STXBP4: variants seen among roughly 807,000 people sequenced by gnomAD.
STXBP4 encodes syntaxin-binding protein 4.
In STXBP4, 55 loss-of-function variants were observed where a neutral mutation model predicts 76.1. The observed-to-expected ratio is 0.72, with a 90% confidence interval of 0.58 to 0.91. The LOEUF (loss-of-function observed/expected upper bound fraction) is 0.91. Ranked by LOEUF, STXBP4 falls within the 40% of genes least tolerant of loss-of-function variation. The pLI, the probability that STXBP4 is intolerant of heterozygous loss-of-function variation, is 0.00. For synonymous variants in STXBP4, 201 were observed against 220.2 expected (o/e 0.91, Z 0.77); for missense variants, 618 against 636.9 (o/e 0.97, Z 0.32).
At chr17:55,185,266 TCTCCTTCTCCTTCTCCTTCTCCTTCTC>T in the STXBP4 span, among the ~76,000 whole-genome samples, 2 of 53,066 alleles carry the variant, frequency 3.8e-5, no homozygotes, top group African/African-American at 1.9e-4. Context: ...TCCTTCTCCT[TCTCCTTCTCCTTCTCCTTCTCCTTCTC>T]CTTCTCCTTC....
chr17:54,988,821 C>G lies in STXBP4; in HGVS notation c.48-2004C>G, dbSNP rs1267429408. Among the ~76,000 whole-genome samples the G allele has an allele frequency of 2.0e-5, 3 of 152,122 alleles. No homozygotes were observed. In the South Asian group the frequency reaches 6.3e-4, roughly 32 times the overall value. On this transcript the variant is annotated intron_variant, in intron 3 of 17. Transcript: ENST00000376352. ...TAGGGTGCATTTTGGACCCTTGGAC[C>G]CTGTCCTCTCTGCCTTTTTTCTAGC...
At chr17:55,116,208 A>G (rs180756237) in intron 16 of STXBP4, among the ~76,000 whole-genome samples, 4 of 151,948 alleles carry the variant, frequency 2.6e-5, no homozygotes, top group Admixed American at 2.0e-4. Context: ...TACTCAAATC[A>G]TTGCTATGGA....
intron 13 of STXBP4, among the ~76,000 whole-genome samples, chr17:55,075,187 T>A (rs2079166438): frequency 6.6e-6 from 1 of 152,136 alleles, no homozygotes; most frequent in African/African-American, 2.4e-5. Flanking sequence ...GGATTTATTC[T>A]TAACCATTTT....
intron 16 of STXBP4, among the ~76,000 whole-genome samples, chr17:55,093,825 A>G (rs1326603367): frequency 6.6e-6 from 1 of 152,220 alleles, no homozygotes; most frequent in Non-Finnish European, 1.5e-5. Flanking sequence ...TTGAGTGTCT[A>G]CAATGGGCCA....
At chr17:55,078,657 A>C in intron 14 of STXBP4, 29 bp from the exon 15 acceptor site, 1 of 1,401,344 alleles carries the variant, frequency 7.1e-7, no homozygotes, top group Non-Finnish European at 1.0e-6. Context: ...AAACTGATAT[A>C]TCTCCTTCAC....
chr17:55,148,814 G>A (rs2080184749), intron 17 of STXBP4, among the ~76,000 whole-genome samples: 2 of 152,208 alleles, frequency 1.3e-5, no homozygotes, highest in African/African-American at 4.8e-5. Flanking sequence ...GATTACAGGC[G>A]TGAGCAAGCA....
intron 1 of STXBP4, among the ~76,000 whole-genome samples, chr17:54,969,812 C>A (rs1442316536): frequency 1.3e-5 from 2 of 152,206 alleles, no homozygotes; most frequent in Non-Finnish European, 2.9e-5. Context: ...CACTATAGCA[C>A]AGAACAAGTC....
At chr17:55,077,686 C>CGT (rs10690646) in intron 13 of STXBP4, among the ~76,000 whole-genome samples, 36,790 of 133,776 alleles carry the variant, frequency 0.28, 5,117 homozygotes, top group Admixed American at 0.39. Flanking sequence ...TGTCTTACAT[C>CGT]GTGTGTGTGT....
chr17:55,047,103 A>G lies in STXBP4; in HGVS notation c.960A>G (p.Glu320=). The change falls in exon 12 of 18, where the codon GAA becomes GAG. Residue 320 remains glutamate, a synonymous_variant. Transcript: ENST00000376352. ...TTTAAATATAGGAAAAATTATTGGAATCAGATAAGCAAAGGAAACAATTGA... is the reference window on the plus strand; with the variant it reads ...TTTAAATATAGGAAAAATTATTGGAGTCAGATAAGCAAAGGAAACAATTGA... ...EVNTLKEKLL[E]SDKQRKQLTE... is the part of the protein sequence containing the mutation. 6.2e-7 allele frequency: 1 copy of G among 1,605,472 alleles called. No homozygotes were observed. Among genetic ancestry groups the G allele is most frequent in the Non-Finnish European group, 8.5e-7 (1 of 1,173,700 alleles).
chr17:55,147,099 A>G (rs2080165505), intron 17 of STXBP4, among the ~76,000 whole-genome samples: 2 of 152,212 alleles, frequency 1.3e-5, no homozygotes, highest in African/African-American at 4.8e-5. Flanking sequence ...TATGTTTCAT[A>G]TGACTTATAT....
intron 12 of STXBP4, among the ~76,000 whole-genome samples, chr17:55,054,187 T>G (rs1439002717): frequency 6.6e-6 from 1 of 152,156 alleles, no homozygotes; most frequent in Non-Finnish European, 1.5e-5. Flanking sequence ...GAGAATCTTA[T>G]ATGGTTCACA....
chr17:55,083,067 A>G (rs1194189201), intron 16 of STXBP4, among the ~76,000 whole-genome samples: 1 of 150,708 alleles, frequency 6.6e-6, no homozygotes, highest in Non-Finnish European at 1.5e-5. Context: ...ATCCCCCATC[A>G]CTCCCACCCC....
chr17:55,199,583 A>C, the STXBP4 span, among the ~76,000 whole-genome samples: 4 of 152,212 alleles, frequency 2.6e-5, no homozygotes, highest in African/African-American at 9.6e-5. Context: ...TTCTAACGTG[A>C]CAGGAAAGTG....
chr17:54,993,323 TAGG>T lies in STXBP4; in HGVS notation c.180+2369_180+2371del, dbSNP rs967892552. Among the ~76,000 whole-genome samples, 5 of 152,280 alleles carry T rather than the reference TAGG, an allele frequency of 3.3e-5. No homozygotes were observed. In the South Asian group the frequency reaches 6.2e-4, roughly 19 times the overall value. ...AAAACAGGCAAGATAGAAAAAGGTG[TAGG>T]AGAAGAGGACCAGGGGTGATGGCTC... On this transcript the variant is annotated intron_variant, in intron 4 of 17. Transcript: ENST00000376352.
intron 1 of STXBP4, among the ~76,000 whole-genome samples, chr17:54,969,235 A>G (rs2077346265): frequency 6.6e-6 from 1 of 152,204 alleles, no homozygotes; most frequent in Admixed American, 6.5e-5. Flanking sequence ...GGAGGCTGTC[A>G]CGCTGAAGTT....
At chr17:55,205,811 A>G in the STXBP4 span, among the ~76,000 whole-genome samples, 1 of 152,150 alleles carries the variant, frequency 6.6e-6, no homozygotes, top group Non-Finnish European at 1.5e-5. Context: ...TCTTATGGAA[A>G]GCTACTTTAC....
At chr17:55,192,376 C>T in the STXBP4 span, among the ~76,000 whole-genome samples, 2 of 152,144 alleles carry the variant, frequency 1.3e-5, no homozygotes, top group South Asian at 4.1e-4. Flanking sequence ...AGTGGACTTA[C>T]TTCATGTGAG....
At chr17:55,019,978 T>C (rs1396436559) in intron 8 of STXBP4, among the ~76,000 whole-genome samples, 1 of 152,230 alleles carries the variant, frequency 6.6e-6, no homozygotes, top group African/African-American at 2.4e-5. Flanking sequence ...TTCACCTTGG[T>C]GTATCCAGGT....
At chr17:55,184,515 T>C in the STXBP4 span, among the ~76,000 whole-genome samples, 1 of 152,230 alleles carries the variant, frequency 6.6e-6, no homozygotes, top group Non-Finnish European at 1.5e-5. Flanking sequence ...AAAGTATGTA[T>C]TCCTTTCGTG....
Sources: gnomAD v4.1 joint callset for allele counts (sites outside exome capture counted in the v4.1 genomes callset) on GRCh38, gnomAD v4.1.1 for gene constraint, MANE v1.5 for transcripts, NCBI Gene and HGNC (gene_info 2026-07-23, HGNC 2026-07-21) for gene names.